Variants in MNS1 observed in about 807,000 individuals in gnomAD.
The protein encoded by MNS1 is meiosis specific nuclear structural 1.
MNS1 carries 63 observed loss-of-function variants against 72.0 expected under a neutral mutation model. The observed-to-expected ratio is 0.87, with a 90% CI of 0.71 to 1.08. The LOEUF (loss-of-function observed/expected upper bound fraction) is 1.08. Ranked by LOEUF, MNS1 falls within the 50% of genes least tolerant of loss-of-function variation. The pLI is 0.00. For synonymous variants in MNS1, 188 were observed against 172.1 expected, an observed-to-expected ratio of 1.09 and a Z score of -0.72; for missense variants, 604 against 562.4, an observed-to-expected ratio of 1.07 and a Z score of -0.75.
intron 8 of MNS1, among the ~76,000 whole-genome samples, chr15:56,433,523 C>T (rs1037361023): frequency 1.3e-5 from 2 of 152,158 alleles, no homozygotes; most frequent in African/African-American, 2.4e-5. Flanking sequence ...CAAGCCCCAT[C>T]AATTCCGTAT....
At chr15:56,453,830 G>T (rs892641199) in intron 3 of MNS1, among the ~76,000 whole-genome samples, 1 of 152,056 alleles carries the variant, frequency 6.6e-6, no homozygotes, top group African/African-American at 2.4e-5. Flanking sequence ...TGAGCTCAAA[G>T]AAATATTTTC....
intron 2 of MNS1, among the ~76,000 whole-genome samples, chr15:56,463,490 AAAAT>A (rs1286856868): frequency 3.9e-5 from 6 of 152,174 alleles, no homozygotes; most frequent in African/African-American, 1.4e-4. Flanking sequence ...AAAAGCATAA[AAAAT>A]AAAAGCAGGC....
At chr15:56,447,889 A>C (rs1567152448) in intron 3 of MNS1, among the ~76,000 whole-genome samples, 2 of 152,184 alleles carry the variant, frequency 1.3e-5, no homozygotes, top group Non-Finnish European at 2.9e-5. Flanking sequence ...AATTCATATA[A>C]ATGGAATCAT....
intron 8 of MNS1, among the ~76,000 whole-genome samples, chr15:56,433,883 A>T (rs1371918363): frequency 6.6e-6 from 1 of 152,120 alleles, no homozygotes; most frequent in Non-Finnish European, 1.5e-5. Flanking sequence ...CTTAACCAAG[A>T]CCATAAATTC....
chr15:56,462,428 C>T (rs2140385135), intron 2 of MNS1, among the ~76,000 whole-genome samples: 1 of 152,204 alleles, frequency 6.6e-6, no homozygotes, highest in Non-Finnish European at 1.5e-5. Context: ...ACAGCATCAC[C>T]TATGGAGTAT....
At chr15:56,464,850 C>A in intron 1 of MNS1, 120 bp downstream of exon 1, 3 of 1,415,298 alleles carry the variant, frequency 2.1e-6, no homozygotes, top group South Asian at 1.3e-5. Context: ...AAAGCAAATA[C>A]AAGTTCCCCA....
Position 56,429,102 on chromosome 15 carries a change from C to A in MNS1, c.1487G>T (p.Ter496LeuextTer16), listed in dbSNP as rs115198725. The A allele has an allele frequency of 5.9e-4, 924 of 1,578,010 alleles. 4 individuals carry two copies. The African/African-American group carries it at 0.012, about 20-fold the overall frequency. Residue 496 changes from the stop codon to leucine, a stop_lost, in exon 10 of 10, where the codon TGA (stop) becomes TTA (leucine). Transcript: ENST00000260453. ...ATGCTTTACCCAATTTTGATGATAT[C>A]ATTTCTCTTCACAAATTTCACTCCT... The part of the protein sequence containing the change: ...QQRSEICEEK[*>L]
At chr15:56,455,337 A>C (rs1596267473) in intron 3 of MNS1, among the ~76,000 whole-genome samples, 2 of 151,952 alleles carry the variant, frequency 1.3e-5, no homozygotes, top group Non-Finnish European at 2.9e-5. Context: ...GACTAGAACA[A>C]TAAGCAGATT....
At chr15:56,455,140 G>A (rs1177685583) in intron 3 of MNS1, among the ~76,000 whole-genome samples, 1 of 150,364 alleles carries the variant, frequency 6.7e-6, no homozygotes, top group East Asian at 2.0e-4. Context: ...TTCTCAGGAG[G>A]AACATTTATC....
chr15:56,443,943 CACT>C, intron 5 of MNS1, 89 bp from the exon 6 acceptor site: 1 of 1,030,440 alleles, frequency 9.7e-7, no homozygotes, highest in Non-Finnish European at 1.4e-6. Context: ...TACAGAAAAA[CACT>C]ATAGTTTTTT....
chr15:56,431,292 A>G, intron 9 of MNS1, 81 bp downstream of exon 9: 2 of 1,525,156 alleles, frequency 1.3e-6, no homozygotes, highest in Non-Finnish European at 1.8e-6. Context: ...AGCAAAACCA[A>G]GGCACTCTAA....
At chr15:56,458,125 C>T (rs1223258023) in intron 2 of MNS1, among the ~76,000 whole-genome samples, 1 of 152,118 alleles carries the variant, frequency 6.6e-6, no homozygotes, top group Admixed American at 6.5e-5. Context: ...AGATTACATA[C>T]AGTTTGATGC....
In MNS1 at chr15:56,460,009, A is replaced by ACATATAT. The variant is rs1555449667; in HGVS notation, c.226-3489_226-3488insATATATG. Among the ~76,000 whole-genome samples, 3 of 26,388 alleles carry ACATATAT rather than the reference A, an allele frequency of 1.1e-4. No individual in the cohort carries two copies. The East Asian group carries it at 3.4e-3, about 30-fold the overall frequency. 17.3% of individuals were successfully genotyped at this position (26,388 alleles called of 152,430 possible). ...CTGTCTCAAAAAAAAAAAAAAAAAAAATACATATATATATATATATATATA... is the reference window on the plus strand; with the variant it reads ...CTGTCTCAAAAAAAAAAAAAAAAAAACATATATATACATATATATATATATATATATA... On this transcript the variant is annotated intron_variant, in intron 2 of 9. Transcript: ENST00000260453.
chr15:56,439,611 G>A lies in MNS1; in HGVS notation c.1011+3819C>T, dbSNP rs576801291. On this transcript the variant is annotated intron_variant, in intron 7 of 9. Coordinates refer to ENST00000260453, the MANE Select transcript of MNS1 (RefSeq NM_018365.4). ...AAGAAAGGTGCAAAAGCAATTCAAT[G>A]TTGGAGAAACAGCCATTTCAACAAA... is the stretch of plus-strand genomic sequence containing the variant. Among the ~76,000 whole-genome samples the A allele has an allele frequency of 1.4e-4, 22 of 152,188 alleles. 2 individuals are homozygous for A. The South Asian group carries it at 4.6e-3, about 31-fold the overall frequency.
intron 3 of MNS1, among the ~76,000 whole-genome samples, chr15:56,454,334 CATTTATCATTTGTGTT>C (rs1596267141): frequency 6.6e-6 from 1 of 150,626 alleles, no homozygotes; most frequent in East Asian, 1.9e-4. Flanking sequence ...TCCCCTCAAG[CATTTATCATTTGTGTT>C]ACAAACAATC....
Position 56,444,497 on chromosome 15 carries a change from T to C in MNS1, c.633A>G (p.Lys211=). The C allele has an allele frequency of 6.2e-7, 1 of 1,611,084 alleles. No homozygotes were observed. The highest frequency in any genetic ancestry group is 8.5e-7 in the Non-Finnish European group (1 of 1,179,278). ...CAATTTCATCAATCATGAGTTTCTC[T>C]TTTAGCAGCTGCTCATAAGCTTCCT... is the stretch of plus-strand genomic sequence containing the variant. The part of the protein sequence containing the change: ...KKQEAYEQLL[K]EKLMIDEIVR... Residue 211 remains lysine, a synonymous_variant, in exon 5 of 10, where the codon AAA becomes AAG. Transcript: ENST00000260453.
At chr15:56,434,690 C>T (rs1245335527) in intron 7 of MNS1, among the ~76,000 whole-genome samples, 2 of 151,994 alleles carry the variant, frequency 1.3e-5, no homozygotes, top group Non-Finnish European at 1.5e-5. Flanking sequence ...TTACAAAAGC[C>T]TTTTTTGCAC....
Position 56,431,371 on chromosome 15 carries a change from A to G in MNS1, c.1395+2T>C, listed in dbSNP as rs761637256. On this transcript the variant is annotated splice_donor_variant, in intron 9 of 9. Transcript: ENST00000260453. LOFTEE classifies it high-confidence loss of function. ...TTACAACTTGAGATAAATCTCACTT[A>G]CTTTAGGGAGATAGCCTAGTAAGTT... is the stretch of plus-strand genomic sequence containing the variant. 1.2e-6 allele frequency: 2 copies of G among 1,610,656 alleles called. No individual in the cohort carries two copies. The highest frequency in any genetic ancestry group is 1.7e-6 in the Non-Finnish European group (2 of 1,178,952).
Position 56,444,491 on chromosome 15 carries a change from T to G in MNS1, c.639A>C (p.Lys213Asn). 6.2e-7 allele frequency: 1 copy of G among 1,609,546 alleles called. No homozygotes were observed. The highest frequency in any genetic ancestry group is 1.1e-5 in the South Asian group (1 of 89,750). Residue 213 changes from lysine to asparagine, a missense_variant, in exon 5 of 10, where the codon AAA becomes AAC. Lys to Asn is a moderately conservative substitution (Grantham distance 94, BLOSUM62 0). Coordinates refer to ENST00000260453, the MANE Select transcript of MNS1 (RefSeq NM_018365.4). Reference protein sequence around the residue: ...QEAYEQLLKEKLMIDEIVRKI... With the variant: ...QEAYEQLLKENLMIDEIVRKI... ...TCCTAACAATTTCATCAATCATGAG[T>G]TTCTCTTTTAGCAGCTGCTCATAAG...
Sources: gnomAD v4.1 joint callset for allele counts (sites outside exome capture counted in the v4.1 genomes callset) on GRCh38, gnomAD v4.1.1 for gene constraint, MANE v1.5 for transcripts, NCBI Gene and HGNC (gene_info 2026-07-23, HGNC 2026-07-21) for gene names.